The following SLC23A2 variants were observed in gnomAD, a reference collection of about 807,000 sequenced individuals.
SLC23A2 encodes the protein solute carrier family 23 member 2, also known as Na(+)/L-ascorbic acid transporter 2.
In SLC23A2, 36 loss-of-function variants were observed where a neutral mutation model predicts 73.3. The ratio of observed to expected loss-of-function variants is 0.49; its 90% CI spans 0.38 to 0.65. SLC23A2 has a LOEUF of 0.65. Ranked by LOEUF, SLC23A2 falls within the 30% of genes least tolerant of loss-of-function variation. The pLI is 0.00. For synonymous variants in SLC23A2, 343 were observed against 327.3 expected, an observed-to-expected ratio of 1.05 and a Z score of -0.52; for missense variants, 507 against 841.6, an observed-to-expected ratio of 0.60 and a Z score of 4.92.
At chr20:4,912,658 T>C (rs1445504476) in intron 4 of SLC23A2, among the ~76,000 whole-genome samples, 1 of 83,536 alleles carries the variant, frequency 1.2e-5, no homozygotes, top group Non-Finnish European at 2.4e-5. Context: ...TAAATGCCAT[T>C]AAAACAATCA....
chr20:4,965,333 T>C (rs1474541690), intron 2 of SLC23A2, among the ~76,000 whole-genome samples: 1 of 152,182 alleles, frequency 6.6e-6, no homozygotes, highest in African/African-American at 2.4e-5. Flanking sequence ...TGATTTTCCT[T>C]AAATCCTTTT....
In SLC23A2 at chr20:4,891,343, C is replaced by T. The variant is rs80307008; in HGVS notation, c.483-5434G>A. Among the ~76,000 whole-genome samples the T allele has an allele frequency of 9.6e-3, 1,457 of 152,258 alleles. 18 individuals carry two copies. The highest frequency in any genetic ancestry group is 0.027 in the Middle Eastern group (8 of 294). Reference sequence around the variant, plus strand: ...CAGGCCCTTGAAACATCACAAATACCAGCTAACAGAGGAAGGGTGGAGTAA... The same window carrying T: ...CAGGCCCTTGAAACATCACAAATACTAGCTAACAGAGGAAGGGTGGAGTAA... On this transcript the variant is annotated intron_variant, in intron 6 of 16. Coordinates refer to ENST00000338244, the MANE Select transcript of SLC23A2 (RefSeq NM_005116.6).
At chr20:4,969,615 C>CA (rs139840555) in intron 2 of SLC23A2, among the ~76,000 whole-genome samples, 2,867 of 142,042 alleles carry the variant, frequency 0.02, 101 homozygotes, top group South Asian at 0.14. Flanking sequence ...GGCAGGGTCT[C>CA]ACTCTGCCAC....
intron 1 of SLC23A2, among the ~76,000 whole-genome samples, chr20:4,974,979 G>A (rs1414838533): frequency 6.6e-6 from 1 of 152,100 alleles, no homozygotes; most frequent in Non-Finnish European, 1.5e-5. Context: ...TAGAGATGGG[G>A]TTTCATCATG....
intron 4 of SLC23A2, among the ~76,000 whole-genome samples, chr20:4,907,468 A>AT (rs907854309): frequency 1.2e-4 from 19 of 152,208 alleles, no homozygotes; most frequent in African/African-American, 4.1e-4. Context: ...TCAATGTAGT[A>AT]TTTTTTAAAA....
At chr20:5,000,788 G>T (rs1600221542) in intron 1 of SLC23A2, among the ~76,000 whole-genome samples, 1 of 152,316 alleles carries the variant, frequency 6.6e-6, no homozygotes, top group Non-Finnish European at 1.5e-5. Flanking sequence ...CCCCCGAAAG[G>T]TGGCAAGGAG....
intron 1 of SLC23A2, among the ~76,000 whole-genome samples, chr20:4,977,698 C>CAA (rs1045238895): frequency 1.0e-4 from 8 of 77,360 alleles, no homozygotes; most frequent in South Asian, 8.5e-4. Flanking sequence ...ACTCTGTCCC[C>CAA]AAAAAAAAAA....
chr20:4,945,775 C>T (rs549754428), intron 2 of SLC23A2, among the ~76,000 whole-genome samples: 4 of 152,244 alleles, frequency 2.6e-5, no homozygotes, highest in Admixed American at 6.5e-5. Flanking sequence ...GGAAAAGAGT[C>T]TGCAAGTCAC....
intron 1 of SLC23A2, among the ~76,000 whole-genome samples, chr20:4,989,881 G>T (rs2087897802): frequency 6.6e-6 from 1 of 152,070 alleles, no homozygotes; most frequent in African/African-American, 2.4e-5. Flanking sequence ...ACAGAGTTTG[G>T]TTAAGTAGCA....
At chr20:4,935,555 T>C (rs929262098) in intron 2 of SLC23A2, among the ~76,000 whole-genome samples, 1 of 152,118 alleles carries the variant, frequency 6.6e-6, no homozygotes, top group African/African-American at 2.4e-5. Flanking sequence ...TCCCAGCACT[T>C]TGGGAGGCCA....
At chr20:4,991,611 A>T (rs934992234) in intron 1 of SLC23A2, among the ~76,000 whole-genome samples, 1 of 151,838 alleles carries the variant, frequency 6.6e-6, no homozygotes, top group African/African-American at 2.4e-5. Context: ...AATCCCAGCT[A>T]CTCAGGAGGC....
At chr20:4,981,805 G>T (rs1366003831) in intron 1 of SLC23A2, among the ~76,000 whole-genome samples, 2 of 151,204 alleles carry the variant, frequency 1.3e-5, no homozygotes, top group Non-Finnish European at 2.9e-5. Flanking sequence ...AGGTTCAAGC[G>T]ATTCTCCTGC....
chr20:4,983,672 A>G (rs1423825393), intron 1 of SLC23A2, among the ~76,000 whole-genome samples: 1 of 143,932 alleles, frequency 6.9e-6, no homozygotes, highest in African/African-American at 2.6e-5. Context: ...AAAAAGACAC[A>G]AGCAAGGCCA....
In SLC23A2 at chr20:4,947,248, G is replaced by A. The variant is rs972752369; in HGVS notation, c.-154-14532C>T. Among the ~76,000 whole-genome samples, 3 of 152,188 alleles carry A rather than the reference G, an allele frequency of 2.0e-5. No individual in the cohort carries two copies. Among genetic ancestry groups the A allele is most frequent in the African/African-American group, 7.2e-5 (3 of 41,448 alleles). On this transcript the variant is annotated intron_variant, in intron 2 of 16. Transcript: ENST00000338244. The surrounding 1 kb of genome is among the most constrained non-coding windows in gnomAD (Gnocchi z 4.4). ...CATTCAAATACTTGGGGAAATCCCT[G>A]ACTCGTTCAGGGAAATCTTGTGGCT...
chr20:4,962,871 C>T (rs1298878535), intron 2 of SLC23A2, among the ~76,000 whole-genome samples: 2 of 152,108 alleles, frequency 1.3e-5, no homozygotes, highest in Non-Finnish European at 2.9e-5. Flanking sequence ...GTGGCATGCA[C>T]CTGTAATCCC....
In SLC23A2 at chr20:4,932,464, GAAGA is replaced by G. The variant is rs1325896606; in HGVS notation, c.95_98del (p.Phe32SerfsTer6). ...TGGGGAATATGATTACCGGAAGAGTGAAGAAAGCTGGGTGCTTTGCCTCGTCTTC... is the reference window on the plus strand; with the variant it reads ...TGGGGAATATGATTACCGGAAGAGTGAAGCTGGGTGCTTTGCCTCGTCTTC... On this transcript the variant is annotated frameshift_variant, in exon 3 of 17. Coordinates refer to ENST00000338244, the MANE Select transcript of SLC23A2 (RefSeq NM_005116.6). LOFTEE classifies it high-confidence loss of function. 1 of 1,566,764 alleles carries G rather than the reference GAAGA, an allele frequency of 6.4e-7. No individual in the cohort carries two copies. The highest frequency in any genetic ancestry group is 1.1e-5 in the South Asian group (1 of 90,180).
rs1304035513 is a variant in SLC23A2 at position 4,921,444 on chromosome 20, G to A, written c.109-8466C>T. Among the ~76,000 whole-genome samples, 3 of 152,052 alleles carry A rather than the reference G, an allele frequency of 2.0e-5. No homozygotes were observed. The East Asian group carries it at 5.8e-4, about 29-fold the overall frequency. Reference sequence around the variant, plus strand: ...TAAAAACAACAATAACAACTAGCTGGGCGTGGTGGTGCATGCCTGTAGTCC... The same window carrying A: ...TAAAAACAACAATAACAACTAGCTGAGCGTGGTGGTGCATGCCTGTAGTCC... On this transcript the variant is annotated intron_variant, in intron 3 of 16. Coordinates refer to ENST00000338244, the MANE Select transcript of SLC23A2 (RefSeq NM_005116.6).
intron 1 of SLC23A2, among the ~76,000 whole-genome samples, chr20:4,995,037 T>C (rs1280319147): frequency 6.6e-6 from 1 of 152,162 alleles, no homozygotes; most frequent in African/African-American, 2.4e-5. Flanking sequence ...GAGAAGACCC[T>C]CAGAGTCACA....
chr20:4,867,895 A>C lies in SLC23A2; in HGVS notation c.1251-20T>G. The C allele has an allele frequency of 7.2e-7, 1 of 1,379,830 alleles. No homozygotes were observed. The highest frequency in any genetic ancestry group is 1.0e-6 in the Non-Finnish European group (1 of 967,850). The allele number at this position is 1,379,830 out of a possible 1,614,324, so 85.5% of individuals were successfully genotyped here. On this transcript the variant is annotated intron_variant, in intron 12 of 16. Coordinates refer to ENST00000338244, the MANE Select transcript of SLC23A2 (RefSeq NM_005116.6). Reference sequence around the variant, plus strand: ...ATTCCCCTAAGATGTAAAGGAATGGAGGAAAGAAAATCATTCAATGGGATA... The same window carrying C: ...ATTCCCCTAAGATGTAAAGGAATGGCGGAAAGAAAATCATTCAATGGGATA...
Sources: allele counts gnomAD v4.1 joint callset (sites outside exome capture counted in the v4.1 genomes callset), GRCh38; gene constraint gnomAD v4.1.1; non-coding constraint Gnocchi (gnomAD v3.1); transcripts MANE v1.5; gene names NCBI Gene and HGNC (gene_info 2026-07-23, HGNC 2026-07-21).